Variants in NRG1 observed in about 807,000 individuals in gnomAD.
NRG1 encodes the protein neuregulin 1.
Under a neutral mutation model 63.8 loss-of-function variants are expected in NRG1, and 18 were observed. The ratio of observed to expected loss-of-function variants is 0.28; its 90% confidence interval spans 0.19 to 0.42. The LOEUF is 0.42. Among genes scored for constraint, NRG1 ranks in the 10% least tolerant of loss-of-function variants. The pLI, the probability that NRG1 is intolerant of heterozygous loss-of-function variation, is 1.00. For missense variants in NRG1, 762 were observed against 814.7 expected (o/e 0.94, Z 0.79); for synonymous variants, 302 against 301.3 (o/e 1.00, Z -0.02).
intron 1 of NRG1, among the ~76,000 whole-genome samples, chr8:31,804,393 A>G (rs1822076568): frequency 6.6e-6 from 1 of 152,030 alleles, no homozygotes; most frequent in African/African-American, 2.4e-5. Context: ...TGATACCCCG[A>G]ATGGATAGGA....
intron 1 of NRG1, among the ~76,000 whole-genome samples, chr8:31,696,785 G>T (rs1261319619): frequency 6.6e-6 from 1 of 152,168 alleles, no homozygotes; most frequent in Admixed American, 6.5e-5. Context: ...TGACAGCTGG[G>T]ACCAGAGCTG....
At chr8:32,095,049 T>G (rs1829716575) in intron 1 of NRG1, among the ~76,000 whole-genome samples, 1 of 152,000 alleles carries the variant, frequency 6.6e-6, no homozygotes, top group South Asian at 2.1e-4. Context: ...GTAGCTGGGA[T>G]TACAGGCACA....
At chr8:32,450,082 C>T (rs1243292827) in intron 1 of NRG1, among the ~76,000 whole-genome samples, 1 of 152,080 alleles carries the variant, frequency 6.6e-6, no homozygotes. Flanking sequence ...ACCCGGTGGG[C>T]AGGTAAATAT....
intron 1 of NRG1, among the ~76,000 whole-genome samples, chr8:31,837,114 A>T (rs1420557533): frequency 1.3e-5 from 2 of 152,170 alleles, no homozygotes; most frequent in East Asian, 3.9e-4. Flanking sequence ...ATCAGTTTTT[A>T]AAATTGACTT....
chr8:31,780,246 T>A (rs1196365203), intron 1 of NRG1, among the ~76,000 whole-genome samples: 1 of 152,220 alleles, frequency 6.6e-6, no homozygotes, highest in Non-Finnish European at 1.5e-5. Flanking sequence ...TTGGCAAATG[T>A]AAAAACTCAT....
intron 5 of NRG1, among the ~76,000 whole-genome samples, chr8:32,674,943 C>T (rs1806662631): frequency 6.6e-6 from 1 of 152,062 alleles, no homozygotes; most frequent in South Asian, 2.1e-4. Flanking sequence ...TCAATCATAT[C>T]CATGGAGCAA....
intron 5 of NRG1, among the ~76,000 whole-genome samples, chr8:32,717,049 C>T (rs1303835211): frequency 2.0e-5 from 3 of 151,944 alleles, no homozygotes; most frequent in African/African-American, 7.2e-5. Flanking sequence ...GAAAAAGCAC[C>T]GGGTTTTAGG....
At chr8:32,525,464 T>G (rs1044995007) in intron 1 of NRG1, among the ~76,000 whole-genome samples, 1 of 151,172 alleles carries the variant, frequency 6.6e-6, no homozygotes, top group African/African-American at 2.4e-5. Flanking sequence ...TTCTGGGAAC[T>G]GGTAAGAGAT....
chr8:32,552,979 T>C (rs1002405015), intron 1 of NRG1, among the ~76,000 whole-genome samples: 1 of 152,172 alleles, frequency 6.6e-6, no homozygotes, highest in Non-Finnish European at 1.5e-5. Flanking sequence ...GTAAAACAGA[T>C]GTATATTGTG....
chr8:32,546,693 T>C (rs1833106527), upstream of NRG1, among the ~76,000 whole-genome samples: 1 of 152,236 alleles, frequency 6.6e-6, no homozygotes, highest in Non-Finnish European at 1.5e-5. Context: ...TATCAGAAGC[T>C]ACTTGGACAT....
chr8:31,731,646 C>T (rs1814081781), intron 1 of NRG1, among the ~76,000 whole-genome samples: 1 of 151,974 alleles, frequency 6.6e-6, no homozygotes, highest in African/African-American at 2.4e-5. Context: ...TTAAACAGAA[C>T]ATAACTCAGT....
intron 6 of NRG1, among the ~76,000 whole-genome samples, chr8:32,736,625 T>C (rs994804936): frequency 3.3e-5 from 5 of 152,240 alleles, no homozygotes; most frequent in South Asian, 4.1e-4. Flanking sequence ...TAGGGACTTT[T>C]CATTTTTCGA....
chr8:31,699,908 A>G (rs903851336), intron 1 of NRG1, among the ~76,000 whole-genome samples: 7 of 152,204 alleles, frequency 4.6e-5, no homozygotes, highest in African/African-American at 1.7e-4. Flanking sequence ...TGCTGGAAAA[A>G]GAAAGGACAG....
intron 1 of NRG1, among the ~76,000 whole-genome samples, chr8:31,934,969 C>G (rs1835179938): frequency 6.6e-6 from 1 of 151,960 alleles, no homozygotes; most frequent in Non-Finnish European, 1.5e-5. Flanking sequence ...TTAATAGAGT[C>G]AGGGTATTGC....
At chr8:31,775,166 C>T (rs1220012208) in intron 1 of NRG1, among the ~76,000 whole-genome samples, 1 of 152,170 alleles carries the variant, frequency 6.6e-6, no homozygotes, top group Non-Finnish European at 1.5e-5. Context: ...CAGTACTATT[C>T]ACAATAGCAA....
At chr8:31,823,117 C>CTTTTTTTTT (rs147209584) in intron 1 of NRG1, among the ~76,000 whole-genome samples, 15 of 77,958 alleles carry the variant, frequency 1.9e-4, no homozygotes, top group Non-Finnish European at 1.9e-4. Context: ...TGTCCTTGTT[C>CTTTTTTTTT]TTTTTTTTTT....
At chr8:31,790,948 C>T (rs930846280) in intron 1 of NRG1, among the ~76,000 whole-genome samples, 8 of 152,118 alleles carry the variant, frequency 5.3e-5, no homozygotes, top group African/African-American at 1.9e-4. Flanking sequence ...AGGTGGCTCA[C>T]ACCTGTAATC....
chr8:32,611,532 T>G (rs2129541083), intron 3 of NRG1, among the ~76,000 whole-genome samples: 1 of 152,174 alleles, frequency 6.6e-6, no homozygotes, highest in East Asian at 1.9e-4. Context: ...ATAGGGTAGA[T>G]TTGTCTTTTC....
chr8:32,648,319 G>A (rs766106084), intron 5 of NRG1: 147 of 1,613,960 alleles, frequency 9.1e-5, no homozygotes, highest in Non-Finnish European at 1.2e-4. Flanking sequence ...CCTGAGGTGA[G>A]AACGCCCAAG....
Sources: allele counts gnomAD v4.1 joint callset (sites outside exome capture counted in the v4.1 genomes callset), GRCh38; gene constraint gnomAD v4.1.1; transcripts MANE v1.5; gene names NCBI Gene and HGNC (gene_info 2026-07-23, HGNC 2026-07-21).